The following WDR86 variants were observed in gnomAD, a reference collection of about 807,000 sequenced individuals.
WDR86 encodes WD repeat domain 86, also known as WD repeat-containing protein 86.
Under a neutral mutation model 36.5 loss-of-function variants are expected in WDR86, and 30 were observed. The ratio of observed to expected loss-of-function variants is 0.82; its 90% CI spans 0.61 to 1.11. The LOEUF is 1.11. Among genes scored for constraint, WDR86 ranks in the 50% most tolerant of loss-of-function variants. WDR86 has a pLI of 0.00. For missense variants in WDR86, 545 were observed against 561.2 expected (o/e 0.97, Z 0.29); for synonymous variants, 255 against 252.9 (o/e 1.01, Z -0.08).
downstream of WDR86, among the ~76,000 whole-genome samples, chr7:151,372,150 C>T (rs1009549655): frequency 1.3e-5 from 2 of 152,352 alleles, no homozygotes; most frequent in East Asian, 3.9e-4. Flanking sequence ...TGAGACGTAG[C>T]CTTCCTAAGA....
Position 151,382,857 on chromosome 7 carries a change from G to C in WDR86, c.863-876C>G, listed in dbSNP as rs1007626049. Among the ~76,000 whole-genome samples, 3 of 152,286 alleles carry C rather than the reference G, an allele frequency of 2.0e-5. No homozygotes were observed. The South Asian group carries it at 6.2e-4, about 32-fold the overall frequency. On this transcript the variant is annotated intron_variant, in intron 4 of 5. Transcript: ENST00000334493. ...GGTCTGTCAATGAGCAGGTAACTACGGTGGGCAGCTATGGTGCAAGCCTGC... is the reference window on the plus strand; with the variant it reads ...GGTCTGTCAATGAGCAGGTAACTACCGTGGGCAGCTATGGTGCAAGCCTGC...
intron 1 of WDR86, among the ~76,000 whole-genome samples, chr7:151,407,756 G>A (rs188842212): frequency 3.0e-4 from 45 of 152,226 alleles, no homozygotes; most frequent in African/African-American, 1.1e-3. Flanking sequence ...CAGGAGAATC[G>A]CTTGAACCCG....
At chr7:151,385,066 C>A in intron 4 of WDR86, 22 bp downstream of exon 4, 2 of 1,572,092 alleles carry the variant, frequency 1.3e-6, no homozygotes, top group South Asian at 2.3e-5. Flanking sequence ...TGGCACAGGT[C>A]GTGCAGGGCC....
chr7:151,374,595 A>T (rs1046056839), downstream of WDR86: 6 of 336,554 alleles, frequency 1.8e-5, no homozygotes, highest in African/African-American at 1.3e-4. Context: ...CTTGTAGTAT[A>T]ATTGTTTGGC....
At position 151,406,370 on chromosome 7, in the gene WDR86, T is replaced by G. The variant is rs970290335; in HGVS notation, c.163+3057A>C. Among the ~76,000 whole-genome samples, 1 of 152,164 alleles carries G rather than the reference T, an allele frequency of 6.6e-6. No individual in the cohort carries two copies. Among genetic ancestry groups the G allele is most frequent in the African/African-American group, 2.4e-5 (1 of 41,428 alleles). On this transcript the variant is annotated intron_variant, in intron 1 of 5. Coordinates refer to ENST00000334493, the MANE Select transcript of WDR86 (RefSeq NM_198285.3). This position sits in a 1 kb window ranked among gnomAD's most constrained non-coding sequence, Gnocchi z 4.4. ...CGGTCCCTGATTGCCCCTGCTGCCA[T>G]GAACAGAGCCAGAGGTCTCTAGAGG...
chr7:151,372,445 C>A (rs944980758), downstream of WDR86, among the ~76,000 whole-genome samples: 1 of 152,218 alleles, frequency 6.6e-6, no homozygotes, highest in Non-Finnish European at 1.5e-5. Context: ...TGGCTGGCAG[C>A]GTCCTTCTCT....
chr7:151,381,666 C>CG lies in WDR86; in HGVS notation c.1046dup (p.Arg350AlafsTer113). ...GGCTGCGCATGGGCGGAGGGGGCCG[C>CG]GGGGCACCTCGGAGCCCGCGCACGT... On this transcript the variant is annotated frameshift_variant, in exon 6 of 6. Coordinates refer to ENST00000334493, the MANE Select transcript of WDR86 (RefSeq NM_198285.3). LOFTEE classifies it high-confidence loss of function. The surrounding 1 kb of genome is among the most constrained non-coding windows in gnomAD (Gnocchi z 4.8). 7.1e-7 allele frequency: 1 copy of CG among 1,410,480 alleles called. No homozygotes were observed. The highest frequency in any genetic ancestry group is 1.5e-5 in the African/African-American group (1 of 65,572). The allele number at this position is 1,410,480 out of a possible 1,614,324, so 87.4% of individuals were successfully genotyped here. A position where few individuals can be genotyped will look rare whatever the true frequency, so the allele number is the denominator to read the frequency against.
chr7:151,391,509 G>A (rs116751741), intron 3 of WDR86, among the ~76,000 whole-genome samples: 3,388 of 152,266 alleles, frequency 0.022, 136 homozygotes, highest in African/African-American at 0.078. Flanking sequence ...CCCCCCACAC[G>A]CAGCTGGGTG....
At chr7:151,399,697 G>A (rs1020508507) in intron 2 of WDR86, among the ~76,000 whole-genome samples, 4 of 152,224 alleles carry the variant, frequency 2.6e-5, no homozygotes, top group Non-Finnish European at 4.4e-5. Context: ...CTCCGTCTTC[G>A]GAACAATCCC....
chr7:151,383,183 G>T (rs367794551), intron 4 of WDR86, among the ~76,000 whole-genome samples: 32 of 150,354 alleles, frequency 2.1e-4, no homozygotes, highest in Non-Finnish European at 3.7e-4. Context: ...CGGGGTGGGG[G>T]GGGGGAGCTG....
Position 151,381,793 on chromosome 7 carries a change from G to C in WDR86, c.967-47C>G. The C allele has an allele frequency of 6.6e-7, 1 of 1,506,412 alleles. No homozygotes were observed. The allele number at this position is 1,506,412 out of a possible 1,614,324, so 93.3% of individuals were successfully genotyped here. ...TCACCGGTGACGCGGTAGGCGGGGG[G>C]GACACCGCTGCCCGCGTGGATGGAT... On this transcript the variant is annotated intron_variant, in intron 5 of 5. Transcript: ENST00000334493. This position sits in a 1 kb window ranked among gnomAD's most constrained non-coding sequence, Gnocchi z 4.8.
chr7:151,400,358 G>A, intron 1 of WDR86, 117 bp from the exon 2 acceptor site: 1 of 1,128,810 alleles, frequency 8.9e-7, no homozygotes, highest in Non-Finnish European at 1.2e-6. Flanking sequence ...TTTGAGACAA[G>A]CTGGAGTCAA....
At position 151,396,032 on chromosome 7, in the gene WDR86, G is replaced by A. The variant is rs774752569; in HGVS notation, c.470C>T (p.Ala157Val). 97 of 1,608,772 alleles carry A rather than the reference G, an allele frequency of 6.0e-5. No homozygotes were observed. The highest frequency in any genetic ancestry group is 2.0e-4 in the Admixed American group (12 of 59,720). ...APWDLPSTPC[A>V]EEAAAGGLLV... is the part of the protein sequence containing the mutation. The stretch of plus-strand genomic sequence containing the variant: ...AAGCCCCCCGGCCGCGGCCTCCTCC[G>A]CGCAGGGAGTGCTGGGGAGGTCCCA... Residue 157 changes from alanine to valine, a missense_variant, in exon 3 of 6, where the codon GCG (alanine) becomes GTG (valine). Physicochemically the swap from Ala to Val is moderately conservative, Grantham distance 64. Coordinates refer to ENST00000334493, the MANE Select transcript of WDR86 (RefSeq NM_198285.3).
At chr7:151,383,337 G>A (rs1027891663) in intron 4 of WDR86, among the ~76,000 whole-genome samples, 2 of 152,038 alleles carry the variant, frequency 1.3e-5, no homozygotes, top group Admixed American at 6.5e-5. Flanking sequence ...AGCTGGGTGT[G>A]GTGGCACACA....
chr7:151,385,337 T>G, intron 3 of WDR86, 114 bp from the exon 4 acceptor site: 971 of 1,499,230 alleles, frequency 6.5e-4, no homozygotes, highest in Non-Finnish European at 8.0e-4. Flanking sequence ...AAACCATGGG[T>G]GAGCCTCGAA....
intron 3 of WDR86, among the ~76,000 whole-genome samples, chr7:151,389,285 C>T (rs1649882629): frequency 6.6e-6 from 1 of 152,042 alleles, no homozygotes; most frequent in African/African-American, 2.4e-5. Context: ...GTTACAGGAG[C>T]AGCAATGGAC....
intron 3 of WDR86, among the ~76,000 whole-genome samples, chr7:151,392,283 G>A (rs1799493041): frequency 6.6e-6 from 1 of 151,916 alleles, no homozygotes; most frequent in Admixed American, 6.6e-5. Flanking sequence ...GGCCAGCGAG[G>A]CCCTCTCCCC....
Position 151,405,764 on chromosome 7 carries a change from G to A in WDR86, c.163+3663C>T, listed in dbSNP as rs560886471. The stretch of plus-strand genomic sequence containing the variant: ...CAGTCTTCTGGGCCACTGCTCTCCC[G>A]CCAGGCTTCACAGGGAGTCTCCTAT... On this transcript the variant is annotated intron_variant, in intron 1 of 5. Transcript: ENST00000334493. This position sits in a 1 kb window ranked among gnomAD's most constrained non-coding sequence, Gnocchi z 4.7. 4.6e-5 allele frequency among the ~76,000 whole-genome samples: 7 copies of A among 152,238 alleles called. No homozygotes were observed. Among genetic ancestry groups the A allele is most frequent in the Non-Finnish European group, 8.8e-5 (6 of 68,018 alleles).
chr7:151,395,144 A>G (rs1799716773), intron 3 of WDR86, among the ~76,000 whole-genome samples: 1 of 152,202 alleles, frequency 6.6e-6, no homozygotes, highest in Admixed American at 6.5e-5. Context: ...GTCAGCTTAT[A>G]GCATGATGGG....
Sources: allele counts gnomAD v4.1 joint callset (sites outside exome capture counted in the v4.1 genomes callset), GRCh38; gene constraint gnomAD v4.1.1; non-coding constraint Gnocchi (gnomAD v3.1); transcripts MANE v1.5; gene names NCBI Gene and HGNC (gene_info 2026-07-23, HGNC 2026-07-21).